The following BAZ1A variants were observed in gnomAD, a reference collection of about 807,000 sequenced individuals.
The protein encoded by BAZ1A is bromodomain adjacent to zinc finger domain 1A.
Under a neutral mutation model 185.2 loss-of-function variants are expected in BAZ1A, and 50 were observed. The observed-to-expected ratio is 0.27, with a 90% confidence interval of 0.22 to 0.34. The LOEUF (loss-of-function observed/expected upper bound fraction) is 0.34. Among genes scored for constraint, BAZ1A ranks in the 10% least tolerant of loss-of-function variants. The pLI is 1.00. For synonymous variants in BAZ1A, 571 were observed against 615.6 expected (o/e 0.93, Z 1.07); for missense variants, 1,356 against 1,839.9 (o/e 0.74, Z 4.81).
At chr14:34,837,487 C>T (rs1230763039) in intron 3 of BAZ1A, among the ~76,000 whole-genome samples, 3 of 151,718 alleles carry the variant, frequency 2.0e-5, no homozygotes, top group African/African-American at 7.3e-5. Flanking sequence ...AATCCTCCTG[C>T]CTCAGTCTCT....
Position 34,776,359 on chromosome 14 carries a change from G to A in BAZ1A, c.2393C>T (p.Ala798Val). Residue 798 changes from alanine (A) to valine (V), a missense_variant, in exon 18 of 27, where the codon GCC becomes GTC. Ala to Val is a moderately conservative substitution (Grantham distance 64). Coordinates refer to ENST00000360310, the MANE Select transcript of BAZ1A (RefSeq NM_013448.3). ...ELLEKIQSAI[A>V]CTNIFPLGRD... ...ACCCAAGGGAAAGATATTGGTACAG[G>A]CTATGGCACTTTGGATTTTTTCTAA... 1 of 1,614,108 alleles carries A rather than the reference G, an allele frequency of 6.2e-7. No individual in the cohort carries two copies. Among genetic ancestry groups the A allele is most frequent in the Non-Finnish European group, 8.5e-7 (1 of 1,180,016 alleles).
intron 17 of BAZ1A, 95 bp from the exon 18 acceptor site, chr14:34,776,610 T>C (rs1297766619): frequency 1.0e-6 from 1 of 978,044 alleles, no homozygotes; most frequent in African/African-American, 1.6e-5. Context: ...TTAGGTGTTA[T>C]GAACTAAACT....
intron 12 of BAZ1A, among the ~76,000 whole-genome samples, chr14:34,792,240 G>C (rs1199003268): frequency 1.3e-5 from 2 of 152,064 alleles, no homozygotes; most frequent in Non-Finnish European, 2.9e-5. Flanking sequence ...ACAAAAATTA[G>C]CTGGGCATGG....
chr14:34,783,735 AAC>A, intron 15 of BAZ1A, 25 bp downstream of exon 15: 1 of 1,594,884 alleles, frequency 6.3e-7, no homozygotes, highest in African/African-American at 1.4e-5. Flanking sequence ...AGCTTTCATT[AAC>A]ACAACTATTA....
chr14:34,832,213 C>CATATATATATATATATATATATAT lies in BAZ1A; in HGVS notation c.393-6058_393-6057insATATATATATATATATATATATAT, dbSNP rs1491212993. Reference sequence around the variant, plus strand: ...ATATACACACACACACACACACACACACATATATATATATATATGTATGTA... The same window carrying CATATATATATATATATATATATAT: ...ATATACACACACACACACACACACACATATATATATATATATATATATATACATATATATATATATATGTATGTA... On this transcript the variant is annotated intron_variant, in intron 3 of 26. Coordinates refer to ENST00000360310, the MANE Select transcript of BAZ1A (RefSeq NM_013448.3). Among the ~76,000 whole-genome samples, 270 of 78,316 alleles carry CATATATATATATATATATATATAT rather than the reference C, an allele frequency of 3.4e-3. 1 individual carries two copies. Among genetic ancestry groups the CATATATATATATATATATATATAT allele is most frequent in the Admixed American group, 6.6e-3 (49 of 7,402 alleles). 51.4% of individuals were successfully genotyped at this position (78,316 alleles called of 152,430 possible).
chr14:34,874,680 A>C lies in BAZ1A; in HGVS notation c.-58-18T>G. On this transcript the variant is annotated intron_variant, in intron 1 of 26. Transcript: ENST00000360310. The surrounding 1 kb of genome is among the most constrained non-coding windows in gnomAD (Gnocchi z 4.7). The stretch of plus-strand genomic sequence containing the variant: ...CCGCTTCCCTATCAAAATTGGAGGG[A>C]AAGGAAAGCCGGTAAGGTGGGGAGC... The C allele has an allele frequency of 1.5e-6, 2 of 1,324,950 alleles. No individual in the cohort carries two copies. The highest frequency in any genetic ancestry group is 2.1e-6 in the Non-Finnish European group (2 of 958,616). The allele number at this position is 1,324,950 out of a possible 1,614,324, so 82.1% of individuals were successfully genotyped here. A position where few individuals can be genotyped will look rare whatever the true frequency, so the allele number is the denominator to read the frequency against.
intron 24 of BAZ1A, among the ~76,000 whole-genome samples, chr14:34,760,612 G>A (rs1886481851): frequency 6.6e-6 from 1 of 151,848 alleles, no homozygotes; most frequent in Non-Finnish European, 1.5e-5. Context: ...CATTTGGGAG[G>A]CCAAGGCAAG....
At chr14:34,852,130 G>GAA (rs557343760) in intron 3 of BAZ1A, among the ~76,000 whole-genome samples, 1 of 133,576 alleles carries the variant, frequency 7.5e-6, no homozygotes. Context: ...CCGTCTCAAA[G>GAA]AAAAAAAAAA....
At chr14:34,847,123 T>C (rs1431903888) in intron 3 of BAZ1A, among the ~76,000 whole-genome samples, 1 of 151,688 alleles carries the variant, frequency 6.6e-6, no homozygotes, top group African/African-American at 2.4e-5. Context: ...CGGTGGCGCA[T>C]GCCTGTAATC....
intron 24 of BAZ1A, among the ~76,000 whole-genome samples, chr14:34,759,171 G>GTTTTTTTTTTTTTTTTTTTTTT (rs780287749): frequency 3.0e-5 from 2 of 66,468 alleles, no homozygotes; most frequent in African/African-American, 6.4e-5. Context: ...TACAGCTACA[G>GTTTTTTTTTTTTTTTTTTTTTT]TTTTTTTTTT....
At chr14:34,857,169 GCT>G (rs2042695775) in intron 3 of BAZ1A, among the ~76,000 whole-genome samples, 1 of 151,748 alleles carries the variant, frequency 6.6e-6, no homozygotes, top group Non-Finnish European at 1.5e-5. Flanking sequence ...ACTACGCCTG[GCT>G]AACTTTTTGT....
chr14:34,858,472 A>T (rs2042718027), intron 3 of BAZ1A, among the ~76,000 whole-genome samples: 1 of 152,038 alleles, frequency 6.6e-6, no homozygotes, highest in South Asian at 2.1e-4. Context: ...AAGAAAAAAC[A>T]TCCAGCTAAT....
rs143658459 is a variant in BAZ1A, at chr14:34,803,351, C to T, written c.727-363G>A. ...CAGAGATCGTGCCACTGCACTCCAG[C>T]CTGGTGACAGAGTAAGACTCCATCT... On this transcript the variant is annotated intron_variant, in intron 6 of 26. Coordinates refer to ENST00000360310, the MANE Select transcript of BAZ1A (RefSeq NM_013448.3). 6.2e-3 allele frequency among the ~76,000 whole-genome samples: 910 copies of T among 147,082 alleles called. 16 individuals carry two copies. The highest frequency in any genetic ancestry group is 0.022 in the African/African-American group (878 of 39,730).
chr14:34,872,587 C>T (rs556429004), intron 2 of BAZ1A, among the ~76,000 whole-genome samples: 3 of 152,106 alleles, frequency 2.0e-5, no homozygotes, highest in Non-Finnish European at 4.4e-5. Context: ...GGCGACAGAG[C>T]GAGAACCTGT....
At chr14:34,767,040 A>C (rs1250305937) in intron 21 of BAZ1A, among the ~76,000 whole-genome samples, 1 of 152,260 alleles carries the variant, frequency 6.6e-6, no homozygotes, top group Non-Finnish European at 1.5e-5. Flanking sequence ...GGATGGGTCA[A>C]ATGGCTCTTC....
intron 2 of BAZ1A, among the ~76,000 whole-genome samples, chr14:34,865,481 CATCT>C (rs1305295436): frequency 1.3e-5 from 2 of 152,260 alleles, no homozygotes; most frequent in African/African-American, 4.8e-5. Context: ...CTGGTTAGCA[CATCT>C]ATCTGTGTAG....
rs1259340286 is a variant in BAZ1A at position 34,874,115 on chromosome 14, G to A, written c.113+377C>T. Among the ~76,000 whole-genome samples, 1 of 151,632 alleles carries A rather than the reference G, an allele frequency of 6.6e-6. No individual in the cohort carries two copies. The highest frequency in any genetic ancestry group is 1.5e-5 in the Non-Finnish European group (1 of 67,866). On this transcript the variant is annotated intron_variant, in intron 2 of 26. Transcript: ENST00000360310. The surrounding 1 kb of genome is among the most constrained non-coding windows in gnomAD (Gnocchi z 4.7). ...CCTAGCGGGGATCCCCTCGGCCGCCGGGAGGGGATCCCGGAACTGGCCCCG... is the reference window on the plus strand; with the variant it reads ...CCTAGCGGGGATCCCCTCGGCCGCCAGGAGGGGATCCCGGAACTGGCCCCG...
intron 3 of BAZ1A, among the ~76,000 whole-genome samples, chr14:34,846,029 G>T (rs1392500817): frequency 6.6e-6 from 1 of 152,070 alleles, no homozygotes; most frequent in Non-Finnish European, 1.5e-5. Context: ...ATCCCCAATG[G>T]GGATTTAAGG....
At chr14:34,787,351 C>CAAAAAAAAA (rs918534072) in intron 12 of BAZ1A, among the ~76,000 whole-genome samples, 1 of 41,488 alleles carries the variant, frequency 2.4e-5, no homozygotes, top group African/African-American at 7.4e-5. Flanking sequence ...GACTCTGTCT[C>CAAAAAAAAA]AAAAAAAAAA....
Sources: gnomAD v4.1 joint callset for allele counts (sites outside exome capture counted in the v4.1 genomes callset) on GRCh38, gnomAD v4.1.1 for gene constraint, Gnocchi (gnomAD v3.1) non-coding constraint, MANE v1.5 for transcripts, NCBI Gene and HGNC (gene_info 2026-07-23, HGNC 2026-07-21) for gene names.